Variants in PCDHA2 observed in about 807,000 individuals in gnomAD.
PCDHA2 encodes protocadherin alpha 2.
In PCDHA2, 58 loss-of-function variants were observed where a neutral mutation model predicts 66.0. The ratio of observed to expected loss-of-function variants is 0.88; its 90% CI spans 0.71 to 1.09. The LOEUF is 1.09. PCDHA2 is among the 50% of genes least tolerant of loss of function. PCDHA2 has a pLI of 0.00. For synonymous variants in PCDHA2, 634 were observed against 554.0 expected (o/e 1.14, Z -2.03); for missense variants, 1,267 against 1,242.3 (o/e 1.02, Z -0.30).
In PCDHA2 at chr5:140,874,725, T is replaced by C. The variant is rs181567985; in HGVS notation, c.2388+77373T>C. Among the ~76,000 whole-genome samples, 426 of 152,372 alleles carry C rather than the reference T, an allele frequency of 2.8e-3. 2 individuals are homozygous for C. Among genetic ancestry groups the C allele is most frequent in the Middle Eastern group, 0.014 (4 of 294 alleles). On this transcript the variant is annotated intron_variant, in intron 1 of 3. Transcript: ENST00000526136. The stretch of plus-strand genomic sequence containing the variant: ...ATGAGAGCAGTTATGTGAAAAGTTA[T>C]CACATTCAAGCATCAAGGAACCAAA...
intron 3 of PCDHA2, among the ~76,000 whole-genome samples, chr5:140,998,072 C>T (rs1554256158): frequency 6.6e-6 from 1 of 152,168 alleles, no homozygotes; most frequent in African/African-American, 2.4e-5. Context: ...CAGACTTAGC[C>T]TCTGCAGTTG....
chr5:140,899,752 A>G lies in PCDHA2; in HGVS notation c.2389-79197A>G, dbSNP rs190521600. On this transcript the variant is annotated intron_variant, in intron 1 of 3. Transcript: ENST00000526136. ...ATTGATTGGAATAGTTTCAGAAGGA[A>G]TGGTACCAGTTCCTCCTTTTACCTC... Among the ~76,000 whole-genome samples the G allele has an allele frequency of 4.0e-4, 61 of 152,320 alleles. No homozygotes were observed. The East Asian group carries it at 8.7e-3, about 22-fold the overall frequency.
intron 1 of PCDHA2, chr5:140,808,572 T>C: frequency 6.2e-7 from 1 of 1,614,066 alleles, no homozygotes; most frequent in Non-Finnish European, 8.5e-7. Flanking sequence ...GAGTACACAG[T>C]GTTCGTGAAG....
chr5:140,860,129 G>GTGTGTATATATATGTATATA (rs1554153065), intron 1 of PCDHA2: 1 of 150,592 alleles, frequency 6.6e-6, no homozygotes, highest in Non-Finnish European at 1.5e-5. Context: ...TACTGTGTGT[G>GTGTGTATATATATGTATATA]TGTGTATATA....
chr5:140,928,903 T>C, intron 1 of PCDHA2: 1 of 1,614,190 alleles, frequency 6.2e-7, no homozygotes, highest in Non-Finnish European at 8.5e-7. Flanking sequence ...TGAAGATGTC[T>C]GGGAACCAGG....
chr5:140,798,436 A>G (rs1762326661), intron 1 of PCDHA2, among the ~76,000 whole-genome samples: 1 of 152,222 alleles, frequency 6.6e-6, no homozygotes, highest in African/African-American at 2.4e-5. Flanking sequence ...ACATTTAAAA[A>G]TCACACTGGG....
At chr5:140,883,876 C>A in intron 1 of PCDHA2, 1 of 1,613,214 alleles carries the variant, frequency 6.2e-7, no homozygotes, top group Non-Finnish European at 8.5e-7. Flanking sequence ...TCCAGGTGAG[C>A]GCGCGCGACT....
At chr5:140,815,532 T>TACACTA (rs1562243834) in intron 1 of PCDHA2, 1 of 151,194 alleles carries the variant, frequency 6.6e-6, no homozygotes, top group African/African-American at 2.4e-5. Context: ...ATATTGTGTA[T>TACACTA]ACATTATTTT....
chr5:140,875,806 A>G, intron 1 of PCDHA2: 1 of 1,614,204 alleles, frequency 6.2e-7, no homozygotes, highest in African/African-American at 1.3e-5. Context: ...GATCGTGGAC[A>G]GGCCGCTGCA....
chr5:140,952,041 T>C (rs1202542852), intron 1 of PCDHA2, among the ~76,000 whole-genome samples: 1 of 152,108 alleles, frequency 6.6e-6, no homozygotes, highest in African/African-American at 2.4e-5. Flanking sequence ...AGTAGGGCAG[T>C]TATTAAATCT....
chr5:140,835,781 G>C (rs1447627598), intron 1 of PCDHA2: 3 of 1,613,162 alleles, frequency 1.9e-6, no homozygotes, highest in Non-Finnish European at 2.5e-6. Context: ...TCGTGAAGGA[G>C]AACAACCCGC....
rs782212784 is a variant in PCDHA2 at position 140,883,583 on chromosome 5, G to A, written c.2388+86231G>A. ...GGGCTCGCCTTCGCTGTGGGCCACGGCCAGCGTGTCGGTGGGGGTGGCCGA... is the reference window on the plus strand; with the variant it reads ...GGGCTCGCCTTCGCTGTGGGCCACGACCAGCGTGTCGGTGGGGGTGGCCGA... On this transcript the variant is annotated intron_variant, in intron 1 of 3. Coordinates refer to ENST00000526136, the MANE Select transcript of PCDHA2 (RefSeq NM_018905.3). The A allele has an allele frequency of 1.9e-5, 31 of 1,613,916 alleles. No individual in the cohort carries two copies. The African/African-American group carries it at 3.7e-4, about 19-fold the overall frequency.
chr5:140,994,377 G>C (rs1260163825), intron 3 of PCDHA2, among the ~76,000 whole-genome samples: 3 of 152,098 alleles, frequency 2.0e-5, no homozygotes, highest in Non-Finnish European at 4.4e-5. Context: ...GGAAATTCAG[G>C]GGACTAAGTC....
chr5:140,972,350 A>G (rs897251940), intron 1 of PCDHA2, among the ~76,000 whole-genome samples: 3 of 150,008 alleles, frequency 2.0e-5, no homozygotes, highest in Admixed American at 1.3e-4. Flanking sequence ...GGGTCTCACT[A>G]TGTTGCACAT....
At chr5:140,899,204 C>T (rs1286752140) in intron 1 of PCDHA2, among the ~76,000 whole-genome samples, 2 of 151,972 alleles carry the variant, frequency 1.3e-5, no homozygotes, top group African/African-American at 4.8e-5. Context: ...CCTAATTGCC[C>T]TGGCCAGAAC....
intron 2 of PCDHA2, among the ~76,000 whole-genome samples, chr5:140,980,822 T>A (rs1433488208): frequency 6.6e-6 from 1 of 152,204 alleles, no homozygotes; most frequent in Non-Finnish European, 1.5e-5. Flanking sequence ...ACATATTAAA[T>A]GAGTTGTGAA....
intron 3 of PCDHA2, among the ~76,000 whole-genome samples, chr5:140,998,767 T>C (rs367972918): frequency 5.3e-5 from 8 of 152,312 alleles, no homozygotes; most frequent in African/African-American, 1.9e-4. Flanking sequence ...TTTCACTATG[T>C]TGGTCAGGCT....
chr5:140,984,726 A>C (rs549219216), intron 3 of PCDHA2, among the ~76,000 whole-genome samples: 51 of 152,276 alleles, frequency 3.3e-4, no homozygotes, highest in Non-Finnish European at 5.0e-4. Flanking sequence ...AAAGATTAAG[A>C]TTATGATTTA....
At chr5:140,997,884 C>G (rs2097789340) in intron 3 of PCDHA2, among the ~76,000 whole-genome samples, 1 of 152,076 alleles carries the variant, frequency 6.6e-6, no homozygotes, top group African/African-American at 2.4e-5. Context: ...AGTATTTATA[C>G]AGGATAAATT....
Sources: allele counts gnomAD v4.1 joint callset (sites outside exome capture counted in the v4.1 genomes callset), GRCh38; gene constraint gnomAD v4.1.1; transcripts MANE v1.5; gene names NCBI Gene and HGNC (gene_info 2026-07-23, HGNC 2026-07-21).